Variants in DGKG observed in about 807,000 individuals in gnomAD.
DGKG encodes DAG kinase gamma.
Under a neutral mutation model 105.3 loss-of-function variants are expected in DGKG, and 78 were observed. The observed-to-expected ratio is 0.74, with a 90% CI of 0.62 to 0.89. The LOEUF is 0.89. Among genes scored for constraint, DGKG ranks in the 40% least tolerant of loss-of-function variants. The pLI, the probability that DGKG is intolerant of heterozygous loss-of-function variation, is 0.00. For missense variants in DGKG, 958 were observed against 1,020.1 expected (o/e 0.94, Z 0.83); for synonymous variants, 346 against 367.1 (o/e 0.94, Z 0.66).
chr3:186,161,569 TC>T, intron 24 of DGKG, 33 bp downstream of exon 24: 1 of 1,613,988 alleles, frequency 6.2e-7, no homozygotes, highest in Non-Finnish European at 8.5e-7. Flanking sequence ...AAATAAGGCT[TC>T]TCATCCCCAT....
intron 2 of DGKG, among the ~76,000 whole-genome samples, chr3:186,317,095 C>G (rs1188960884): frequency 6.6e-6 from 1 of 152,230 alleles, no homozygotes; most frequent in Non-Finnish European, 1.5e-5. Context: ...CAACACAACC[C>G]TCTTCTACTG....
chr3:186,296,112 C>CAA (rs36070727), intron 5 of DGKG, among the ~76,000 whole-genome samples: 1 of 143,392 alleles, frequency 7.0e-6, no homozygotes, highest in Non-Finnish European at 1.5e-5. Context: ...TTATCTCAGA[C>CAA]AAAAAAAAAA....
chr3:186,154,232 G>A (rs1205569457), intron 24 of DGKG, among the ~76,000 whole-genome samples: 1 of 152,234 alleles, frequency 6.6e-6, no homozygotes, highest in East Asian at 1.9e-4. Flanking sequence ...AATATGGTGA[G>A]CCTAAGGGAG....
intron 21 of DGKG, 152 bp downstream of exon 21, chr3:186,211,643 G>A (rs747534882): frequency 2.1e-5 from 13 of 608,702 alleles, no homozygotes; most frequent in African/African-American, 9.2e-5. Flanking sequence ...CTGAGTGAGC[G>A]TATGGAGGTG....
intron 1 of DGKG, among the ~76,000 whole-genome samples, chr3:186,339,743 C>T (rs1157986057): frequency 6.6e-6 from 1 of 152,092 alleles, no homozygotes; most frequent in African/African-American, 2.4e-5. Flanking sequence ...TCCTTTGTAC[C>T]ACTGGCTTCT....
chr3:186,157,202 T>A (rs560108710), intron 24 of DGKG, among the ~76,000 whole-genome samples: 7 of 152,218 alleles, frequency 4.6e-5, no homozygotes, highest in African/African-American at 1.4e-4. Flanking sequence ...CAGGAGTTTT[T>A]ATCTTTAAAA....
intron 19 of DGKG, among the ~76,000 whole-genome samples, chr3:186,244,927 G>A (rs992147797): frequency 1.3e-5 from 2 of 152,012 alleles, no homozygotes; most frequent in Non-Finnish European, 2.9e-5. Flanking sequence ...AGATTCATGT[G>A]ACATTTGTCA....
intron 22 of DGKG, among the ~76,000 whole-genome samples, chr3:186,183,720 T>C (rs1272675373): frequency 3.9e-5 from 6 of 151,910 alleles, no homozygotes; most frequent in African/African-American, 1.5e-4. Flanking sequence ...TTTTTTTTTC[T>C]TGAGATGAAG....
rs148438356 is a variant in DGKG at position 186,147,513 on chromosome 3, C to T, written c.*2577G>A. 1 of 985,354 alleles carries T rather than the reference C, an allele frequency of 1.0e-6. No individual in the cohort carries two copies. Among genetic ancestry groups the T allele is most frequent in the East Asian group, 1.1e-4 (1 of 8,818 alleles). 61.0% of individuals were successfully genotyped at this position (985,354 alleles called of 1,614,324 possible). A position where few individuals can be genotyped will look rare whatever the true frequency, so the allele number is the denominator to read the frequency against. ...TGCAAGGCACGATTAAACAACAACA[C>T]AAGATTTACTAAGGTTACCAAACTG... On this transcript the variant is annotated 3_prime_UTR_variant, in exon 25 of 25. Transcript: ENST00000265022.
intron 20 of DGKG, among the ~76,000 whole-genome samples, chr3:186,216,283 C>T (rs772809366): frequency 1.1e-4 from 17 of 152,008 alleles, no homozygotes; most frequent in African/African-American, 3.1e-4. Context: ...TGCAGGCCAC[C>T]GCACCCGGCC....
chr3:186,216,368 A>T (rs531911410), intron 20 of DGKG, among the ~76,000 whole-genome samples: 1 of 152,038 alleles, frequency 6.6e-6, no homozygotes, highest in South Asian at 2.1e-4. Context: ...TGGCTTTTAG[A>T]TATGTTCAAA....
At chr3:186,185,694 C>G (rs541912283) in intron 22 of DGKG, among the ~76,000 whole-genome samples, 1 of 152,172 alleles carries the variant, frequency 6.6e-6, no homozygotes, top group Non-Finnish European at 1.5e-5. Context: ...CAATGCTTCC[C>G]CTACCCTCTG....
rs34134152 is a variant in DGKG at position 186,243,895 on chromosome 3, G to GTTTTTTTTTTTTTTTTTTTTTTTTT, written c.1762-1328_1762-1327insAAAAAAAAAAAAAAAAAAAAAAAAA. ...CTATTTCTTATATGAAAATTTCTGTGTTTTTTTTTTTTTTTTTTGAGATGG... is the reference window on the plus strand; with the variant it reads ...CTATTTCTTATATGAAAATTTCTGTGTTTTTTTTTTTTTTTTTTTTTTTTTTTTTTTTTTTTTTTTTTTGAGATGG... On this transcript the variant is annotated intron_variant, in intron 19 of 24. Transcript: ENST00000265022. Among the ~76,000 whole-genome samples the GTTTTTTTTTTTTTTTTTTTTTTTTT allele has an allele frequency of 2.8e-4, 32 of 116,314 alleles. 1 individual carries two copies. The highest frequency in any genetic ancestry group is 1.2e-3 in the African/African-American group (32 of 27,556). 76.3% of individuals were successfully genotyped at this position (116,314 alleles called of 152,430 possible). A position where few individuals can be genotyped will look rare whatever the true frequency, so the allele number is the denominator to read the frequency against.
At position 186,203,363 on chromosome 3, in the gene DGKG, C is replaced by T. The variant is rs1280960910; in HGVS notation, c.1917+8432G>A. 6.6e-6 allele frequency among the ~76,000 whole-genome samples: 1 copy of T among 152,206 alleles called. No homozygotes were observed. The highest frequency in any genetic ancestry group is 1.5e-5 in the Non-Finnish European group (1 of 68,034). Reference sequence around the variant, plus strand: ...GATTGAAACGAGGCCAATGTTGTAGCAGTGCTGATTCCTGGTTGGTGGGAT... The same window carrying T: ...GATTGAAACGAGGCCAATGTTGTAGTAGTGCTGATTCCTGGTTGGTGGGAT... On this transcript the variant is annotated intron_variant, in intron 21 of 24. Transcript: ENST00000265022. This position sits in a 1 kb window ranked among gnomAD's most constrained non-coding sequence, Gnocchi z 4.9.
At chr3:186,301,111 TCTGTCA>T (rs1723899013) in intron 3 of DGKG, among the ~76,000 whole-genome samples, 1 of 152,214 alleles carries the variant, frequency 6.6e-6, no homozygotes, top group Non-Finnish European at 1.5e-5. Flanking sequence ...TTCTGCAACA[TCTGTCA>T]CATCCAGACC....
intron 10 of DGKG, among the ~76,000 whole-genome samples, chr3:186,272,970 C>T (rs1722390190): frequency 6.6e-6 from 1 of 152,038 alleles, no homozygotes; most frequent in Admixed American, 6.5e-5. Context: ...CTCAGGTGAC[C>T]CACCCGCCTC....
chr3:186,173,615 T>A (rs1213578227), intron 22 of DGKG, among the ~76,000 whole-genome samples: 2 of 152,230 alleles, frequency 1.3e-5, no homozygotes, highest in African/African-American at 4.8e-5. Flanking sequence ...GCTTGGGCAC[T>A]CAAAGCCCAA....
At chr3:186,267,593 G>A in intron 13 of DGKG, 92 bp downstream of exon 13, 1 of 937,782 alleles carries the variant, frequency 1.1e-6, no homozygotes, top group South Asian at 1.3e-5. Flanking sequence ...TGTCAGGGAA[G>A]CCCTGGGAAG....
chr3:186,310,285 AAAAAC>A lies in DGKG; in HGVS notation c.68-3313_68-3309del, dbSNP rs1445871318. Among the ~76,000 whole-genome samples the A allele has an allele frequency of 1.0e-3, 156 of 149,412 alleles. 3 individuals are homozygous for A. The highest frequency in any genetic ancestry group is 8.2e-3 in the East Asian group (42 of 5,118). The stretch of plus-strand genomic sequence containing the variant: ...CGTCTCAAAAAAAAAAAAAAAAAAA[AAAAAC>A]CACACACACACAACAAGAATCCAGG... On this transcript the variant is annotated intron_variant, in intron 2 of 24. Coordinates refer to ENST00000265022, the MANE Select transcript of DGKG (RefSeq NM_001346.3).
Sources: gnomAD v4.1 joint callset for allele counts (sites outside exome capture counted in the v4.1 genomes callset) on GRCh38, gnomAD v4.1.1 for gene constraint, Gnocchi (gnomAD v3.1) non-coding constraint, MANE v1.5 for transcripts, NCBI Gene and HGNC (gene_info 2026-07-23, HGNC 2026-07-21) for gene names.